Variants in AKAP7 observed in about 807,000 individuals in gnomAD.
AKAP7 encodes the protein A kinase (PRKA) anchor protein 7.
A neutral mutation model predicts 39.5 loss-of-function variants in AKAP7; 39 were observed. The observed-to-expected ratio is 0.99, with a 90% CI of 0.76 to 1.29. AKAP7 has a LOEUF of 1.29. Among genes scored for constraint, AKAP7 ranks in the 50% most tolerant of loss-of-function variants. The pLI is 0.00. For missense variants in AKAP7, 414 were observed against 407.7 expected (o/e 1.02, Z -0.13); for synonymous variants, 140 against 139.1 (o/e 1.01, Z -0.05).
At chr6:131,152,904 G>A (rs1305882892) in intron 2 of AKAP7, among the ~76,000 whole-genome samples, 1 of 151,592 alleles carries the variant, frequency 6.6e-6, no homozygotes, top group East Asian at 1.9e-4. Context: ...CAGGGCGGGT[G>A]GATCACGAGG....
chr6:131,158,927 A>G (rs1333731805), intron 2 of AKAP7, among the ~76,000 whole-genome samples: 2 of 151,984 alleles, frequency 1.3e-5, no homozygotes, highest in Admixed American at 6.6e-5. Flanking sequence ...AAAAAAAAAA[A>G]AAGATGATGG....
chr6:131,135,505 G>A lies in AKAP7; in HGVS notation c.-259G>A, dbSNP rs571122535. 4.2e-3 allele frequency among the ~76,000 whole-genome samples: 628 copies of A among 150,028 alleles called. 10 individuals carry two copies. The highest frequency in any genetic ancestry group is 0.015 in the African/African-American group (607 of 41,248). On this transcript the variant is annotated 5_prime_UTR_variant, in exon 1 of 8. Coordinates refer to ENST00000431975, the MANE Select transcript of AKAP7 (RefSeq NM_016377.4). ...GCGTCCGGCCTGGCATGCGGGTGCTGCGGCTGCTGCGGCTGCCGCCGCCGC... is the reference window on the plus strand; with the variant it reads ...GCGTCCGGCCTGGCATGCGGGTGCTACGGCTGCTGCGGCTGCCGCCGCCGC...
chr6:131,242,112 T>C (rs1811671016), intron 7 of AKAP7: 4 of 983,590 alleles, frequency 4.1e-6, no homozygotes, highest in Non-Finnish European at 4.8e-6. Flanking sequence ...TGTGAGCAAC[T>C]GAGAAAACAA....
Position 131,282,633 on chromosome 6 carries a change from C to T in AKAP7, c.*907C>T, listed in dbSNP as rs147099376. 40 of 1,498,160 alleles carry T rather than the reference C, an allele frequency of 2.7e-5. No homozygotes were observed. The African/African-American group carries it at 4.6e-4, about 17-fold the overall frequency. The allele number at this position is 1,498,160 out of a possible 1,614,324, so 92.8% of individuals were successfully genotyped here. Reference sequence around the variant, plus strand: ...CTACATTGCGATTGTGACAACATAGCTTATGAAATCTTTTCAGCTTATTAA... The same window carrying T: ...CTACATTGCGATTGTGACAACATAGTTTATGAAATCTTTTCAGCTTATTAA... On this transcript the variant is annotated 3_prime_UTR_variant, in exon 8 of 8. Coordinates refer to ENST00000431975, the MANE Select transcript of AKAP7 (RefSeq NM_016377.4).
intron 3 of AKAP7, among the ~76,000 whole-genome samples, chr6:131,160,968 AGACT>A (rs1315712128): frequency 1.5e-5 from 2 of 136,128 alleles, no homozygotes; most frequent in East Asian, 2.3e-4. Context: ...CTCACTTGGA[AGACT>A]GACTGTTTTT....
At chr6:131,191,845 G>GTTT (rs34409067) in intron 5 of AKAP7, among the ~76,000 whole-genome samples, 13 of 135,362 alleles carry the variant, frequency 9.6e-5, no homozygotes, top group African/African-American at 2.2e-4. Flanking sequence ...TCCTCGTGGT[G>GTTT]TTTTTTTTTT....
chr6:131,211,853 G>T (rs143058581), intron 6 of AKAP7, among the ~76,000 whole-genome samples: 1 of 151,748 alleles, frequency 6.6e-6, no homozygotes, highest in Admixed American at 6.6e-5. Context: ...TTATGATAGG[G>T]TTACATTCTG....
At chr6:131,176,329 T>G (rs1804576800) in intron 5 of AKAP7, among the ~76,000 whole-genome samples, 1 of 151,948 alleles carries the variant, frequency 6.6e-6, no homozygotes, top group Non-Finnish European at 1.5e-5. Context: ...TTTCCTAGAA[T>G]TACCCAGTAG....
intron 6 of AKAP7, among the ~76,000 whole-genome samples, chr6:131,204,361 A>G (rs973033887): frequency 7.9e-5 from 12 of 152,228 alleles, no homozygotes; most frequent in African/African-American, 2.7e-4. Context: ...TAAGGATTCT[A>G]TAACAGCATA....
chr6:131,167,655 C>G (rs1375380306), intron 4 of AKAP7, among the ~76,000 whole-genome samples: 5 of 151,998 alleles, frequency 3.3e-5, no homozygotes, highest in African/African-American at 1.2e-4. Context: ...CATAGATATA[C>G]TAAAGTATAG....
intron 6 of AKAP7, among the ~76,000 whole-genome samples, chr6:131,218,310 A>G (rs978319347): frequency 8.5e-5 from 13 of 152,230 alleles, no homozygotes; most frequent in African/African-American, 3.1e-4. Flanking sequence ...TATTTGGCAC[A>G]TCTGTATATT....
chr6:131,153,539 T>C (rs1271706655), intron 2 of AKAP7, among the ~76,000 whole-genome samples: 1 of 152,196 alleles, frequency 6.6e-6, no homozygotes, highest in Non-Finnish European at 1.5e-5. Flanking sequence ...TATGATTTTT[T>C]TTTTTGCAAA....
intron 7 of AKAP7, among the ~76,000 whole-genome samples, chr6:131,251,351 T>C (rs944570104): frequency 6.6e-6 from 1 of 152,232 alleles, no homozygotes; most frequent in Non-Finnish European, 1.5e-5. Context: ...GAGTTTGCCT[T>C]ACCCTAGTTG....
intron 6 of AKAP7, among the ~76,000 whole-genome samples, chr6:131,205,044 G>A (rs778200073): frequency 2.6e-5 from 4 of 151,442 alleles, no homozygotes; most frequent in Non-Finnish European, 5.9e-5. Flanking sequence ...GATGATTGTT[G>A]GTAAAAAGGG....
chr6:131,187,614 A>G (rs1444384049), intron 5 of AKAP7, among the ~76,000 whole-genome samples: 2 of 152,244 alleles, frequency 1.3e-5, no homozygotes, highest in Admixed American at 1.3e-4. Flanking sequence ...TTTCCCAACC[A>G]GAATTGAAAG....
chr6:131,206,432 AAGGGCTGAAGGG>A (rs1808102059), intron 6 of AKAP7, among the ~76,000 whole-genome samples: 1 of 152,172 alleles, frequency 6.6e-6, no homozygotes, highest in Non-Finnish European at 1.5e-5. Context: ...TGCAAAAAGT[AAGGGCTGAAGGG>A]TGATCATTGG....
chr6:131,152,675 A>C (rs1802024255), intron 2 of AKAP7, among the ~76,000 whole-genome samples: 1 of 151,900 alleles, frequency 6.6e-6, no homozygotes, highest in African/African-American at 2.4e-5. Context: ...AAAAATACAA[A>C]GATTAGCTGG....
intron 6 of AKAP7, chr6:131,199,842 C>T (rs1807357976): frequency 2.5e-6 from 1 of 403,444 alleles, no homozygotes; most frequent in Non-Finnish European, 4.4e-6. Context: ...CCTGCTTCAT[C>T]CCCTGAAGAG....
chr6:131,245,651 G>C (rs1327612633), intron 7 of AKAP7, among the ~76,000 whole-genome samples: 1 of 151,972 alleles, frequency 6.6e-6, no homozygotes, highest in South Asian at 2.1e-4. Flanking sequence ...AGCACTTCTT[G>C]AACTTAACAT....
Sources: gnomAD v4.1 joint callset for allele counts (sites outside exome capture counted in the v4.1 genomes callset) on GRCh38, gnomAD v4.1.1 for gene constraint, MANE v1.5 for transcripts, NCBI Gene and HGNC (gene_info 2026-07-23, HGNC 2026-07-21) for gene names.